MAPK8IP3: variants seen among roughly 807,000 people sequenced by gnomAD.
MAPK8IP3 encodes mitogen-activated protein kinase 8 interacting protein 3.
A neutral mutation model predicts 157.8 loss-of-function variants in MAPK8IP3; 49 were observed. The ratio of observed to expected loss-of-function variants is 0.31; its 90% confidence interval spans 0.25 to 0.39. The LOEUF is 0.39. Among genes scored for constraint, MAPK8IP3 ranks in the 10% least tolerant of loss-of-function variants. The pLI, the probability that MAPK8IP3 is intolerant of heterozygous loss-of-function variation, is 1.00. For synonymous variants in MAPK8IP3, 897 were observed against 777.7 expected (o/e 1.15, Z -2.55); for missense variants, 1,478 against 1,889.4 (o/e 0.78, Z 4.04).
intron 2 of MAPK8IP3, among the ~76,000 whole-genome samples, chr16:1,725,500 G>A (rs941238356): frequency 1.3e-5 from 2 of 151,486 alleles, no homozygotes; most frequent in African/African-American, 4.8e-5. Context: ...GGTGGCGGGC[G>A]CCTGTAGTCC....
chr16:1,733,935 C>T (rs985600351), intron 4 of MAPK8IP3, among the ~76,000 whole-genome samples: 6 of 152,258 alleles, frequency 3.9e-5, no homozygotes, highest in African/African-American at 9.6e-5. Flanking sequence ...CCTTTGGCAC[C>T]GGCCGTGGGA....
intron 8 of MAPK8IP3, among the ~76,000 whole-genome samples, chr16:1,754,335 A>G (rs772484796): frequency 6.6e-6 from 1 of 152,234 alleles, no homozygotes; most frequent in Non-Finnish European, 1.5e-5. Context: ...CAAATGACTA[A>G]TACTCAGAGA....
In MAPK8IP3 at chr16:1,768,395, C is replaced by T; in HGVS notation, c.3742+17C>T. 1.9e-6 allele frequency: 3 copies of T among 1,598,370 alleles called. No homozygotes were observed. Among genetic ancestry groups the T allele is most frequent in the Non-Finnish European group, 2.5e-6 (3 of 1,178,806 alleles). ...CGGTGCCAGGTGAGGCTGGGCCCCT[C>T]CTGCCATCCACATCCCCTGCATGCC... is the stretch of plus-strand genomic sequence containing the variant. On this transcript the variant is annotated intron_variant, in intron 30 of 31. Transcript: ENST00000610761.
At chr16:1,748,898 T>C (rs765456784) in intron 8 of MAPK8IP3, 178 bp downstream of exon 8, 2 of 746,348 alleles carry the variant, frequency 2.7e-6, no homozygotes, top group East Asian at 5.2e-5. Flanking sequence ...CACAGGGGAT[T>C]GGTTTCTGGA....
At chr16:1,722,195 G>T (rs2038573491) in intron 1 of MAPK8IP3, among the ~76,000 whole-genome samples, 1 of 152,206 alleles carries the variant, frequency 6.6e-6, no homozygotes, top group South Asian at 2.1e-4. Flanking sequence ...AAAAAGTCAT[G>T]CATTTTCTCA....
rs202198224 is a variant in MAPK8IP3, at chr16:1,762,830, T to C, written c.1728-6T>C. On this transcript the variant is annotated splice_polypyrimidine_tract_variant and splice_region_variant and intron_variant, in intron 15 of 31. Transcript: ENST00000610761. Reference sequence around the variant, plus strand: ...CCCACCCCTCACCTCCCTGTGCCTCTGGCAGCTTCAGCCGCCTCTTCAGCT... The same window carrying C: ...CCCACCCCTCACCTCCCTGTGCCTCCGGCAGCTTCAGCCGCCTCTTCAGCT... 275 of 1,611,494 alleles carry C rather than the reference T, an allele frequency of 1.7e-4. No individual in the cohort carries two copies. In the African/African-American group the frequency reaches 3.2e-3, roughly 19 times the overall value.
At chr16:1,716,651 C>T (rs1424723531) in intron 1 of MAPK8IP3, among the ~76,000 whole-genome samples, 4 of 151,956 alleles carry the variant, frequency 2.6e-5, no homozygotes, top group African/African-American at 9.7e-5. Context: ...TGGTGGCTCA[C>T]GGCTCTAATC....
Position 1,766,638 on chromosome 16 carries a change from C to T in MAPK8IP3, c.2929C>T (p.Gln977Ter). 6.2e-7 allele frequency: 1 copy of T among 1,612,452 alleles called. No individual in the cohort carries two copies. Among genetic ancestry groups the T allele is most frequent in the Non-Finnish European group, 8.5e-7 (1 of 1,179,838 alleles). ...SAAPTMWLGA[Q>*]NGWLYVHSAV... is the part of the protein sequence containing the mutation. ...TGCACCCACCATGTGGCTGGGAGCC[C>T]AGAACGGCTGGTAGGAAGGGCCCGG... The change falls in exon 23 of 32, where the codon CAG becomes TAG. Residue 977 changes from glutamine to a stop codon, truncating the protein, a stop_gained. Transcript: ENST00000610761. LOFTEE classifies it high-confidence loss of function.
chr16:1,713,770 C>G (rs2037951704), intron 1 of MAPK8IP3: 2 of 152,216 alleles, frequency 1.3e-5, no homozygotes, highest in Admixed American at 1.3e-4. Context: ...TCGCCTTGGG[C>G]TGCTTTTTGT....
At chr16:1,738,065 ACCAT>A (rs1233964419) in intron 4 of MAPK8IP3, among the ~76,000 whole-genome samples, 3 of 58,198 alleles carry the variant, frequency 5.2e-5, no homozygotes, top group African/African-American at 7.5e-5. Flanking sequence ...TGAGTGTGTG[ACCAT>A]CCGTGTGAGA....
At position 1,746,978 on chromosome 16, in the gene MAPK8IP3, G is replaced by T. The variant is rs2041003063; in HGVS notation, c.748-51G>T. On this transcript the variant is annotated intron_variant, in intron 5 of 31. Coordinates refer to ENST00000610761, the MANE Select transcript of MAPK8IP3 (RefSeq NM_001318852.2). ...TCAGGCAGCCACGGCGGAGCCGCAGGCCAGGGACCTGCAGTGACTCGCTCT... is the reference window on the plus strand; with the variant it reads ...TCAGGCAGCCACGGCGGAGCCGCAGTCCAGGGACCTGCAGTGACTCGCTCT... The T allele has an allele frequency of 1.9e-6, 3 of 1,592,682 alleles. No homozygotes were observed. The South Asian group carries it at 3.4e-5, about 18-fold the overall frequency.
chr16:1,768,903 C>G lies in MAPK8IP3; in HGVS notation c.*79C>G. The G allele has an allele frequency of 1.3e-6, 2 of 1,517,236 alleles. No homozygotes were observed. The highest frequency in any genetic ancestry group is 3.5e-5 in the Admixed American group (2 of 56,382). 94.0% of individuals were successfully genotyped at this position (1,517,236 alleles called of 1,614,324 possible). ...CCCGCCCGGCCCGCGGGGTAGCCAG[C>G]CAGGCGCCGCCGCCCCTCTTCTAAC... On this transcript the variant is annotated 3_prime_UTR_variant, in exon 32 of 32. Transcript: ENST00000610761.
At chr16:1,726,810 A>T (rs558019779) in intron 2 of MAPK8IP3, among the ~76,000 whole-genome samples, 1 of 152,160 alleles carries the variant, frequency 6.6e-6, no homozygotes, top group Admixed American at 6.5e-5. Flanking sequence ...GCTCACAGAG[A>T]GGCTGTGGGG....
At position 1,729,502 on chromosome 16, in the gene MAPK8IP3, G is replaced by A. The variant is rs1567153239; in HGVS notation, c.526G>A (p.Val176Met). Reference protein sequence around the residue: ...QRHTEMIQTYVEHIERSKMQQ... With the variant: ...QRHTEMIQTYMEHIERSKMQQ... ...CTCCTCGCAGATGATACAGACCTAC[G>A]TGGAGCACATTGAGAGGTCCAAGAT... Residue 176 changes from valine (V) to methionine (M), a missense_variant, in exon 4 of 32, where the codon GTG becomes ATG. This residue lies in a region of MAPK8IP3 where 315 missense variants were observed against 394.4 expected (regional missense o/e 0.80). Coordinates refer to ENST00000610761, the MANE Select transcript of MAPK8IP3 (RefSeq NM_001318852.2). The A allele has an allele frequency of 2.5e-6, 4 of 1,613,056 alleles. No homozygotes were observed. In the South Asian group the frequency reaches 3.3e-5, roughly 13 times the overall value.
rs751207110 is a variant in MAPK8IP3 at position 1,763,046 on chromosome 16, G to T, written c.1898+40G>T. On this transcript the variant is annotated intron_variant, in intron 16 of 31. Coordinates refer to ENST00000610761, the MANE Select transcript of MAPK8IP3 (RefSeq NM_001318852.2). ...GCCCCCACTTGTGGCCTGCAATGGG[G>T]TTGGGGAGGCCCTGTCCTGAGGCTC... 5.6e-6 allele frequency: 9 copies of T among 1,609,160 alleles called. No homozygotes were observed. In the South Asian group the frequency reaches 9.9e-5, roughly 18 times the overall value.
At chr16:1,733,588 G>C (rs1354273719) in intron 4 of MAPK8IP3, among the ~76,000 whole-genome samples, 1 of 152,212 alleles carries the variant, frequency 6.6e-6, no homozygotes, top group African/African-American at 2.4e-5. Flanking sequence ...AGGTGTCCCC[G>C]CGGGACCCAG....
At chr16:1,745,327 G>A (rs1485155589) in intron 5 of MAPK8IP3, 2 of 286,346 alleles carry the variant, frequency 7.0e-6, no homozygotes, top group Non-Finnish European at 1.0e-5. Flanking sequence ...TCTCTCTGCC[G>A]GGTGGTGGCA....
Position 1,768,958 on chromosome 16 carries a change from G to C in MAPK8IP3, c.*134G>C. 1 of 1,056,028 alleles carries C rather than the reference G, an allele frequency of 9.5e-7. No homozygotes were observed. Among genetic ancestry groups the C allele is most frequent in the Non-Finnish European group, 1.4e-6 (1 of 734,760 alleles). The allele number at this position is 1,056,028 out of a possible 1,614,324, so 65.4% of individuals were successfully genotyped here. On this transcript the variant is annotated 3_prime_UTR_variant, in exon 32 of 32. Transcript: ENST00000610761. Reference sequence around the variant, plus strand: ...CAACCTGCAGCTTTCACCTGAGTCTGGCCCCTCCAGCGGGCAGGGAGTGCG... The same window carrying C: ...CAACCTGCAGCTTTCACCTGAGTCTCGCCCCTCCAGCGGGCAGGGAGTGCG...
In MAPK8IP3 at chr16:1,729,289, G is replaced by A. The variant is rs574877568; in HGVS notation, c.510+81G>A. On this transcript the variant is annotated intron_variant, in intron 3 of 31. Coordinates refer to ENST00000610761, the MANE Select transcript of MAPK8IP3 (RefSeq NM_001318852.2). ...ACGCCTGCGACTCTTGCGGACCGTGGTTTTCTTCCCTGGCATGTCCCTTTT... is the reference window on the plus strand; with the variant it reads ...ACGCCTGCGACTCTTGCGGACCGTGATTTTCTTCCCTGGCATGTCCCTTTT... The A allele has an allele frequency of 9.9e-6, 15 of 1,507,674 alleles. No individual in the cohort carries two copies. The South Asian group carries it at 1.7e-4, about 17-fold the overall frequency. 93.4% of individuals were successfully genotyped at this position (1,507,674 alleles called of 1,614,324 possible).
Sources: allele counts gnomAD v4.1 joint callset (sites outside exome capture counted in the v4.1 genomes callset), GRCh38; gene constraint gnomAD v4.1.1; regional missense constraint gnomAD v4.1.1; transcripts MANE v1.5; gene names NCBI Gene and HGNC (gene_info 2026-07-23, HGNC 2026-07-21).